Variants in SLCO4C1 observed in about 807,000 individuals in gnomAD.
The protein encoded by SLCO4C1 is organic anion transporter M1.
Under a neutral mutation model 72.1 loss-of-function variants are expected in SLCO4C1, and 58 were observed. That is an observed-to-expected ratio of 0.80 (90% CI 0.65 to 1.00). SLCO4C1 has a LOEUF of 1.00. Ranked by LOEUF, SLCO4C1 falls within the 50% of genes least tolerant of loss-of-function variation. SLCO4C1 has a pLI of 0.00. For synonymous variants in SLCO4C1, 297 were observed against 312.5 expected (o/e 0.95, Z 0.52); for missense variants, 898 against 857.9 (o/e 1.05, Z -0.58).
chr5:102,291,168 G>A (rs796721617), intron 2 of SLCO4C1, among the ~76,000 whole-genome samples, 175 bp downstream of exon 2: 35 of 152,290 alleles, frequency 2.3e-4, no homozygotes, highest in African/African-American at 7.2e-4. Context: ...GATGAATAAT[G>A]TACAGTCTCT....
intron 5 of SLCO4C1, 59 bp from the exon 6 acceptor site, chr5:102,260,378 T>C (rs28699517): frequency 3.8e-6 from 1 of 260,318 alleles, no homozygotes; most frequent in Non-Finnish European, 6.8e-6. Flanking sequence ...ATATATTATA[T>C]GTATAATATA....
intron 2 of SLCO4C1, among the ~76,000 whole-genome samples, chr5:102,273,669 A>G (rs2112380003): frequency 6.6e-6 from 1 of 152,306 alleles, no homozygotes; most frequent in East Asian, 1.9e-4. Context: ...ATTAAATCTC[A>G]TAAAATGAAC....
intron 10 of SLCO4C1, among the ~76,000 whole-genome samples, chr5:102,243,158 T>G (rs567403753): frequency 6.6e-6 from 1 of 152,276 alleles, no homozygotes; most frequent in East Asian, 1.9e-4. Context: ...CTACACTGTG[T>G]GGTTTCCATG....
chr5:102,247,195 T>C, intron 10 of SLCO4C1, 57 bp downstream of exon 10: 1 of 1,324,838 alleles, frequency 7.5e-7, no homozygotes, highest in Admixed American at 2.3e-5. Context: ...CCGAGTCCAT[T>C]TGTTTTCCAT....
chr5:102,278,135 T>G (rs1040287850), intron 2 of SLCO4C1, among the ~76,000 whole-genome samples: 3 of 152,122 alleles, frequency 2.0e-5, no homozygotes, highest in African/African-American at 7.2e-5. Context: ...TGCAGTAATG[T>G]GGGCAGGCTG....
intron 11 of SLCO4C1, 57 bp downstream of exon 11, chr5:102,240,649 TAAAAAATAAATA>T: frequency 3.8e-6 from 5 of 1,309,606 alleles, no homozygotes; most frequent in Non-Finnish European, 5.4e-6. Flanking sequence ...GGCCATAAAT[TAAAAAATAAATA>T]ACACTAATGA....
At chr5:102,249,050 A>T (rs1222976033) in intron 9 of SLCO4C1, among the ~76,000 whole-genome samples, 5 of 152,186 alleles carry the variant, frequency 3.3e-5, no homozygotes, top group Non-Finnish European at 7.3e-5. Flanking sequence ...AACAAATACT[A>T]AGTTTCTATT....
At chr5:102,286,776 C>T (rs1253436813) in intron 2 of SLCO4C1, among the ~76,000 whole-genome samples, 1 of 152,100 alleles carries the variant, frequency 6.6e-6, no homozygotes, top group African/African-American at 2.4e-5. Context: ...CTCCAACCTA[C>T]TTAAATTTAT....
chr5:102,245,053 T>C (rs2112339840), intron 10 of SLCO4C1, among the ~76,000 whole-genome samples: 1 of 152,246 alleles, frequency 6.6e-6, no homozygotes, highest in East Asian at 1.9e-4. Context: ...GGTTAAATGA[T>C]GAACCAATAA....
intron 1 of SLCO4C1, among the ~76,000 whole-genome samples, chr5:102,292,245 A>G (rs2112406311): frequency 6.6e-6 from 1 of 152,304 alleles, no homozygotes; most frequent in East Asian, 1.9e-4. Context: ...GATGAAGTCA[A>G]ACTGGTAAAG....
chr5:102,263,651 C>G (rs1283033874), intron 4 of SLCO4C1, 33 bp downstream of exon 4: 2 of 1,553,052 alleles, frequency 1.3e-6, no homozygotes, highest in African/African-American at 1.4e-5. Flanking sequence ...AATAAAATGA[C>G]TTTAAATAAA....
intron 8 of SLCO4C1, among the ~76,000 whole-genome samples, chr5:102,256,358 T>TA (rs1464727840): frequency 1.3e-5 from 2 of 152,234 alleles, no homozygotes; most frequent in Non-Finnish European, 2.9e-5. Flanking sequence ...AAGTAGATTA[T>TA]ATTTATATCA....
Position 102,270,631 on chromosome 5 carries a change from G to A in SLCO4C1, c.795C>T (p.Leu265=). ...TTTAGAGAGTAAACTTACCTATATA[G>A]AGAGAAGACTTGTGTGTGGGCACAG... ...DDSVPTHKSS[L]YIGTGYAMSI... Residue 265 remains leucine (L), a synonymous_variant, in exon 3 of 13, where the codon CTC becomes CTT. Transcript: ENST00000310954. 1 of 1,608,954 alleles carries A rather than the reference G, an allele frequency of 6.2e-7. No individual in the cohort carries two copies. Among genetic ancestry groups the A allele is most frequent in the Non-Finnish European group, 8.5e-7 (1 of 1,177,808 alleles).
intron 3 of SLCO4C1, among the ~76,000 whole-genome samples, chr5:102,264,396 A>C (rs1188692635): frequency 3.3e-5 from 5 of 149,762 alleles, no homozygotes; most frequent in African/African-American, 9.9e-5. Context: ...TTGACCACTC[A>C]TGTCTTTTTA....
intron 7 of SLCO4C1, 47 bp from the exon 8 acceptor site, chr5:102,257,357 C>T: frequency 6.5e-6 from 9 of 1,395,284 alleles, no homozygotes; most frequent in Non-Finnish European, 8.6e-6. Flanking sequence ...TACACATATA[C>T]TCACTCATAC....
At chr5:102,260,176 G>T in intron 6 of SLCO4C1, 37 bp downstream of exon 6, 1 of 619,320 alleles carries the variant, frequency 1.6e-6, no homozygotes, top group Non-Finnish European at 2.2e-6. Flanking sequence ...GTGTGTGTAT[G>T]AGACTGAGAG....
In SLCO4C1 at chr5:102,270,868, T is replaced by C. The variant is rs986144196; in HGVS notation, c.620-62A>G. 1.2e-5 allele frequency: 16 copies of C among 1,291,706 alleles called. No individual in the cohort carries two copies. In the African/African-American group the frequency reaches 1.7e-4, roughly 13 times the overall value. 80.0% of individuals were successfully genotyped at this position (1,291,706 alleles called of 1,614,324 possible). A position where few individuals can be genotyped will look rare whatever the true frequency, so the allele number is the denominator to read the frequency against. ...CAGCTAATAATTTAAATTTCTATCA[T>C]ATAAATTACACTTGCCTAATATAAT... is the stretch of plus-strand genomic sequence containing the variant. On this transcript the variant is annotated intron_variant, in intron 2 of 12. Transcript: ENST00000310954.
intron 5 of SLCO4C1, 44 bp from the exon 6 acceptor site, chr5:102,260,363 A>T (rs1366557391): frequency 6.7e-5 from 15 of 224,000 alleles, no homozygotes; most frequent in Non-Finnish European, 1.0e-4. Flanking sequence ...TATATTATAC[A>T]TATAATATAT....
At chr5:102,247,510 T>C (rs1580241676) in intron 9 of SLCO4C1, 68 bp from the exon 10 acceptor site, 1 of 1,101,026 alleles carries the variant, frequency 9.1e-7, no homozygotes, top group East Asian at 2.5e-5. Flanking sequence ...AAATTAGGTA[T>C]TCTCTAGACA....
Sources: allele counts gnomAD v4.1 joint callset (sites outside exome capture counted in the v4.1 genomes callset), GRCh38; gene constraint gnomAD v4.1.1; transcripts MANE v1.5; gene names NCBI Gene and HGNC (gene_info 2026-07-23, HGNC 2026-07-21).